LPXN: variants seen among roughly 807,000 people sequenced by gnomAD.
The protein encoded by LPXN is leupaxin.
A neutral mutation model predicts 45.6 loss-of-function variants in LPXN; 28 were observed. That is an observed-to-expected ratio of 0.61 (90% CI 0.45 to 0.84). The LOEUF is 0.84. LPXN is among the 40% of genes least tolerant of loss of function. The probability of loss-of-function intolerance (pLI) is 0.00; values close to 1 mark genes in which losing one functional copy is unlikely to be tolerated. For synonymous variants in LPXN, 166 were observed against 169.9 expected (o/e 0.98, Z 0.18); for missense variants, 459 against 475.0 (o/e 0.97, Z 0.31).
chr11:58,565,098 A>G (rs909560977), intron 2 of LPXN, among the ~76,000 whole-genome samples: 46 of 152,234 alleles, frequency 3.0e-4, no homozygotes, highest in Non-Finnish European at 5.7e-4. Context: ...TTTTTTAGAA[A>G]GAAAATGGGT....
At chr11:58,547,529 T>C (rs532407669) in intron 7 of LPXN, among the ~76,000 whole-genome samples, 1 of 152,236 alleles carries the variant, frequency 6.6e-6, no homozygotes, top group South Asian at 2.1e-4. Context: ...TCTATTCTCA[T>C]CTCCATCCTC....
At chr11:58,564,087 A>T in intron 3 of LPXN, 68 bp downstream of exon 3, 1 of 991,796 alleles carries the variant, frequency 1.0e-6, no homozygotes. Flanking sequence ...ATTATCACCC[A>T]AACAAAGATT....
chr11:58,554,775 C>CA (rs1854152408), intron 4 of LPXN, 66 bp downstream of exon 4: 1 of 1,205,422 alleles, frequency 8.3e-7, no homozygotes, highest in African/African-American at 1.6e-5. Flanking sequence ...CTGGTGACCC[C>CA]ATGGGCCCTG....
rs781390655 is a variant in LPXN at position 58,527,727 on chromosome 11, G to C, written c.892-4C>G. The C allele has an allele frequency of 2.0e-5, 32 of 1,612,054 alleles. No individual in the cohort carries two copies. The highest frequency in any genetic ancestry group is 2.5e-5 in the Non-Finnish European group (30 of 1,178,578). On this transcript the variant is annotated splice_region_variant and splice_polypyrimidine_tract_variant and intron_variant, in intron 8 of 8. Transcript: ENST00000395074. Reference sequence around the variant, plus strand: ...TAGAAAAACTGGTGAAGCAGTCCTGGGGTAGAGAGAAGAGAGAGAAAAAGA... The same window carrying C: ...TAGAAAAACTGGTGAAGCAGTCCTGCGGTAGAGAGAAGAGAGAGAAAAAGA...
intron 2 of LPXN, among the ~76,000 whole-genome samples, chr11:58,567,000 CTGTG>C (rs147936650): frequency 1.1e-4 from 16 of 149,334 alleles, no homozygotes; most frequent in African/African-American, 2.2e-4. Context: ...CTTATAAAAT[CTGTG>C]TGTGTGTGTG....
intron 1 of LPXN, among the ~76,000 whole-genome samples, chr11:58,572,342 A>C (rs923278677): frequency 7.9e-5 from 12 of 152,158 alleles, no homozygotes; most frequent in Non-Finnish European, 1.5e-4. Context: ...CCATTTATCA[A>C]AAATGTTGAC....
chr11:58,545,185 T>C (rs1362424634), intron 7 of LPXN, among the ~76,000 whole-genome samples: 1 of 152,182 alleles, frequency 6.6e-6, no homozygotes, highest in Non-Finnish European at 1.5e-5. Flanking sequence ...GTTTCCTGTT[T>C]ATATAAAGCC....
intron 4 of LPXN, 153 bp downstream of exon 4, chr11:58,554,688 T>C: frequency 1.8e-6 from 1 of 542,886 alleles, no homozygotes; most frequent in South Asian, 2.7e-5. Flanking sequence ...GGAATTAAAT[T>C]TAGTCTGAAA....
At chr11:58,573,749 C>T (rs1854787546) in intron 1 of LPXN, among the ~76,000 whole-genome samples, 1 of 152,118 alleles carries the variant, frequency 6.6e-6, no homozygotes, top group Non-Finnish European at 1.5e-5. Flanking sequence ...GGGGACTAGA[C>T]TGAAGACTCC....
chr11:58,545,474 T>C (rs1396081196), intron 7 of LPXN, among the ~76,000 whole-genome samples: 1 of 152,230 alleles, frequency 6.6e-6, no homozygotes, highest in East Asian at 1.9e-4. Flanking sequence ...AAATTTATTG[T>C]GACACAATTT....
chr11:58,552,651 A>G (rs1254347879), intron 4 of LPXN, among the ~76,000 whole-genome samples: 1 of 152,174 alleles, frequency 6.6e-6, no homozygotes, highest in East Asian at 1.9e-4. Flanking sequence ...ACTGCCTGTT[A>G]TAACATCACA....
chr11:58,577,713 T>C (rs893421692), upstream of LPXN, among the ~76,000 whole-genome samples: 1 of 151,732 alleles, frequency 6.6e-6, no homozygotes. Flanking sequence ...CAGAAGCAGA[T>C]GGCTTCCGGC....
upstream of LPXN, among the ~76,000 whole-genome samples, chr11:58,577,496 C>A (rs1296630078): frequency 6.6e-6 from 1 of 152,090 alleles, no homozygotes; most frequent in Non-Finnish European, 1.5e-5. Flanking sequence ...GACTTTTAGC[C>A]CTGGATGCCT....
Position 58,551,143 on chromosome 11 carries a change from C to T in LPXN, c.408G>A (p.Glu136=). The T allele has an allele frequency of 6.2e-7, 1 of 1,611,594 alleles. No individual in the cohort carries two copies. The highest frequency in any genetic ancestry group is 8.5e-7 in the Non-Finnish European group (1 of 1,178,862). ...CAATGCCAAGGTCCTGCAATTCCTG[C>T]TCCAGACCCCCAAGCATTGAGTCCA... is the stretch of plus-strand genomic sequence containing the variant. ...ASLDSMLGGL[E]QELQDLGIAT... The change falls in exon 5 of 9, where the codon GAG becomes GAA. Residue 136 remains glutamate (E), a synonymous_variant. Coordinates refer to ENST00000395074, the MANE Select transcript of LPXN (RefSeq NM_004811.3).
At chr11:58,533,483 C>A (rs185349487) in intron 7 of LPXN, among the ~76,000 whole-genome samples, 91 of 152,260 alleles carry the variant, frequency 6.0e-4, no homozygotes, top group Non-Finnish European at 9.1e-4. Context: ...AGAGACTTTA[C>A]TACCACCAGG....
At chr11:58,561,300 G>A (rs1211184426) in intron 3 of LPXN, among the ~76,000 whole-genome samples, 1 of 152,122 alleles carries the variant, frequency 6.6e-6, no homozygotes, top group Admixed American at 6.6e-5. Flanking sequence ...TCTCTCTTAA[G>A]AAGAAAAGAC....
chr11:58,575,865 C>T, upstream of LPXN: 1 of 1,612,046 alleles, frequency 6.2e-7, no homozygotes, highest in African/African-American at 1.3e-5. Flanking sequence ...CTGGATGAGA[C>T]AGCATAAGGC....
chr11:58,549,536 T>A (rs983869260), intron 7 of LPXN, among the ~76,000 whole-genome samples: 1 of 152,250 alleles, frequency 6.6e-6, no homozygotes, highest in Non-Finnish European at 1.5e-5. Context: ...AAAAGGCTTT[T>A]TCAATATTAC....
chr11:58,529,121 CATAA>C (rs1316230844), intron 7 of LPXN, among the ~76,000 whole-genome samples: 31 of 152,076 alleles, frequency 2.0e-4, no homozygotes, highest in African/African-American at 7.0e-4. Flanking sequence ...GAAAAACTGT[CATAA>C]ATAAAGCCCA....
Sources: gnomAD v4.1 joint callset for allele counts (sites outside exome capture counted in the v4.1 genomes callset) on GRCh38, gnomAD v4.1.1 for gene constraint, MANE v1.5 for transcripts, NCBI Gene and HGNC (gene_info 2026-07-23, HGNC 2026-07-21) for gene names.